TG: variants seen among roughly 807,000 people sequenced by gnomAD.
The protein encoded by TG is thyroid hormones.
TG carries 270 observed loss-of-function variants against 324.7 expected under a neutral mutation model. The ratio of observed to expected loss-of-function variants is 0.83; its 90% CI spans 0.75 to 0.92. TG has a LOEUF of 0.92. Among genes scored for constraint, TG ranks in the 40% least tolerant of loss-of-function variants. The pLI is 0.00. For missense variants in TG, 3,591 were observed against 3,456.4 expected, an observed-to-expected ratio of 1.04 and a Z score of -0.98; for synonymous variants, 1,401 against 1,327.0, an observed-to-expected ratio of 1.06 and a Z score of -1.21.
chr8:133,046,761 C>T (rs1418696095), intron 41 of TG, among the ~76,000 whole-genome samples: 2 of 145,096 alleles, frequency 1.4e-5, no homozygotes, highest in African/African-American at 5.8e-5. Flanking sequence ...TCTTTCTGTA[C>T]CCCAGCATAT....
rs1001020892 is a variant in TG, at chr8:132,882,696, T to C, written c.889+84T>C. ...TCAAAGTTGCTATGGTGTGTGTGGCTGCTCCACCAAAGTGAGGGCAGAGAT... is the reference window on the plus strand; with the variant it reads ...TCAAAGTTGCTATGGTGTGTGTGGCCGCTCCACCAAAGTGAGGGCAGAGAT... On this transcript the variant is annotated intron_variant, in intron 7 of 47. Transcript: ENST00000220616. 4.3e-6 allele frequency: 7 copies of C among 1,612,094 alleles called. No homozygotes were observed. In the South Asian group the frequency reaches 6.6e-5, roughly 15 times the overall value.
chr8:132,869,555 G>C (rs918076002), intron 2 of TG, among the ~76,000 whole-genome samples, 174 bp from the exon 3 acceptor site: 1 of 152,176 alleles, frequency 6.6e-6, no homozygotes, highest in South Asian at 2.1e-4. Context: ...GGCAGGAAAA[G>C]TGGGGCCTTT....
rs1564022432 is a variant in TG, at chr8:132,971,809, A to G, written c.5991A>G (p.Glu1997=). The change falls in exon 33 of 48, where the codon GAA becomes GAG. Residue 1997 remains glutamate, a synonymous_variant. Coordinates refer to ENST00000220616, the MANE Select transcript of TG (RefSeq NM_003235.5). The part of the protein sequence containing the change: ...KSISNGFFEC[E]RRCDADPCCT... ...CCTATGCCAGGTTCTTTGAATGTGA[A>G]CGACGGTGCGATGCGGACCCATGCT... 1.2e-5 allele frequency: 20 copies of G among 1,613,532 alleles called. No homozygotes were observed. The highest frequency in any genetic ancestry group is 1.7e-5 in the Non-Finnish European group (20 of 1,179,524).
At chr8:133,062,844 G>A (rs1288523723) in intron 41 of TG, among the ~76,000 whole-genome samples, 4 of 152,174 alleles carry the variant, frequency 2.6e-5, no homozygotes. Context: ...ACACGCACAG[G>A]GTGTCTTACA....
At chr8:132,996,120 G>A (rs947482235) in intron 35 of TG, among the ~76,000 whole-genome samples, 1 of 152,154 alleles carries the variant, frequency 6.6e-6, no homozygotes, top group Non-Finnish European at 1.5e-5. Flanking sequence ...TGTGATCTTG[G>A]CCATATTATG....
intron 35 of TG, chr8:133,001,672 C>G (rs76568101): frequency 1.2e-6 from 1 of 860,918 alleles, no homozygotes; most frequent in Non-Finnish European, 1.4e-6. Context: ...CGTCCGATGA[C>G]GACAGGGAGA....
At chr8:132,961,644 G>A (rs1195835349) in intron 28 of TG, among the ~76,000 whole-genome samples, 1 of 152,178 alleles carries the variant, frequency 6.6e-6, no homozygotes, top group African/African-American at 2.4e-5. Context: ...GAAAATGAAA[G>A]GCATTTAGGG....
chr8:132,898,775 A>C, intron 13 of TG, 23 bp from the exon 14 acceptor site: 3 of 1,610,650 alleles, frequency 1.9e-6, no homozygotes, highest in Non-Finnish European at 2.5e-6. Context: ...CCAGTCCTTT[A>C]CAAGCACCTC....
At chr8:132,919,597 C>A (rs541144278) in intron 21 of TG, 72 bp downstream of exon 21, 2 of 1,589,424 alleles carry the variant, frequency 1.3e-6, no homozygotes, top group Admixed American at 1.7e-5. Context: ...GTTTCCCAAT[C>A]TCTGCACTAT....
chr8:132,888,178 C>T lies in TG; in HGVS notation c.2371C>T (p.Gln791Ter). ...CGAGTTGTACCAACGATGGGAGGCTCAGAACAAGGGCCAGGATCTGACGCC... is the reference window on the plus strand; with the variant it reads ...CGAGTTGTACCAACGATGGGAGGCTTAGAACAAGGGCCAGGATCTGACGCC... ...VFELYQRWEA[Q>*]NKGQDLTPAK... The change falls in exon 10 of 48, where the codon CAG becomes TAG. Residue 791 changes from glutamine to a stop codon, truncating the protein, a stop_gained. Transcript: ENST00000220616. LOFTEE classifies it high-confidence loss of function. 1 of 1,614,118 alleles carries T rather than the reference C, an allele frequency of 6.2e-7. No homozygotes were observed. The highest frequency in any genetic ancestry group is 1.1e-5 in the South Asian group (1 of 91,078).
intron 28 of TG, among the ~76,000 whole-genome samples, chr8:132,962,403 C>T (rs1827886383): frequency 1.3e-5 from 2 of 152,164 alleles, no homozygotes; most frequent in African/African-American, 4.8e-5. Flanking sequence ...ATCCCAAGTC[C>T]AGTACTTCCT....
At position 132,977,627 on chromosome 8, in the gene TG, G is replaced by A. The variant is rs534123192; in HGVS notation, c.6199+4886G>A. On this transcript the variant is annotated intron_variant, in intron 34 of 47. Transcript: ENST00000220616. ...ACATCTTACATGAATGGCAGCAGGC[G>A]AAGAGAGAAATTGTGCAGGGAAACT... Among the ~76,000 whole-genome samples the A allele has an allele frequency of 4.6e-5, 7 of 152,266 alleles. 1 individual carries two copies. In the South Asian group the frequency reaches 6.2e-4, roughly 14 times the overall value.
intron 34 of TG, among the ~76,000 whole-genome samples, chr8:132,973,905 C>T (rs552078697): frequency 6.6e-6 from 1 of 151,656 alleles, no homozygotes; most frequent in South Asian, 2.1e-4. Flanking sequence ...TCTTACTTAG[C>T]ACTTGCCCTA....
chr8:132,965,094 T>A (rs1828351577), intron 29 of TG, among the ~76,000 whole-genome samples: 1 of 152,196 alleles, frequency 6.6e-6, no homozygotes, highest in African/African-American at 2.4e-5. Flanking sequence ...CAGGCATGGT[T>A]CAATGGGGAG....
Position 133,022,165 on chromosome 8 carries a change from C to T in TG, c.7036+15C>T, listed in dbSNP as rs1213047052. On this transcript the variant is annotated intron_variant, in intron 40 of 47. Transcript: ENST00000220616. ...CCTGAGTTCTGGTGAGTTGCTGCCT[C>T]TGGTGGGAGCTGCTGACCCCCTGAG... The T allele has an allele frequency of 6.2e-7, 1 of 1,613,844 alleles. No individual in the cohort carries two copies. Among genetic ancestry groups the T allele is most frequent in the South Asian group, 1.1e-5 (1 of 91,068 alleles).
At chr8:132,964,983 C>T (rs1828338656) in intron 29 of TG, 1 of 699,656 alleles carries the variant, frequency 1.4e-6, no homozygotes, top group African/African-American at 1.8e-5. Flanking sequence ...TGTGCCAAGG[C>T]TCTGAGAGCA....
chr8:132,953,231 G>C (rs1490035259), intron 27 of TG, among the ~76,000 whole-genome samples: 1 of 152,190 alleles, frequency 6.6e-6, no homozygotes, highest in East Asian at 1.9e-4. Flanking sequence ...AACACCTTTG[G>C]AGGAGGTGAG....
chr8:133,042,908 A>G (rs1838584930), intron 41 of TG, among the ~76,000 whole-genome samples: 1 of 151,664 alleles, frequency 6.6e-6, no homozygotes, highest in Non-Finnish European at 1.5e-5. Context: ...TGGTCAGACT[A>G]GCCTCGAACT....
At chr8:133,098,437 G>A (rs754354438) in intron 43 of TG, among the ~76,000 whole-genome samples, 5 of 152,184 alleles carry the variant, frequency 3.3e-5, no homozygotes, top group Non-Finnish European at 5.9e-5. Context: ...AGTACTCTGA[G>A]GCATGGGCAG....
Sources: gnomAD v4.1 joint callset for allele counts (sites outside exome capture counted in the v4.1 genomes callset) on GRCh38, gnomAD v4.1.1 for gene constraint, MANE v1.5 for transcripts, NCBI Gene and HGNC (gene_info 2026-07-23, HGNC 2026-07-21) for gene names.